The following CEP70 variants were observed in gnomAD, a reference collection of about 807,000 sequenced individuals.
The protein encoded by CEP70 is centrosomal protein of 70 kDa.
CEP70 carries 70 observed loss-of-function variants against 90.9 expected under a neutral mutation model. The observed-to-expected ratio is 0.77, with a 90% CI of 0.64 to 0.94. The LOEUF (loss-of-function observed/expected upper bound fraction) is 0.94, where lower values mean the gene tolerates loss of function less well. CEP70 is among the 40% of genes least tolerant of loss of function. The pLI is 0.00. For missense variants in CEP70, 648 were observed against 669.0 expected, an observed-to-expected ratio of 0.97 and a Z score of 0.35; for synonymous variants, 220 against 228.3, an observed-to-expected ratio of 0.96 and a Z score of 0.33.
chr3:138,533,245 C>T (rs1016830519), intron 7 of CEP70, among the ~76,000 whole-genome samples: 13 of 148,426 alleles, frequency 8.8e-5, no homozygotes, highest in African/African-American at 3.3e-4. Flanking sequence ...CGCACCACTG[C>T]ACTACAGCCT....
At chr3:138,541,397 G>A (rs2038750960) in intron 6 of CEP70, among the ~76,000 whole-genome samples, 1 of 149,276 alleles carries the variant, frequency 6.7e-6, no homozygotes, top group Non-Finnish European at 1.5e-5. Flanking sequence ...ATTCAACGTG[G>A]TGCTGAAAGA....
rs185339326 is a variant in CEP70, at chr3:138,502,744, C to G, written c.1222-1863G>C. Among the ~76,000 whole-genome samples the G allele has an allele frequency of 2.0e-5, 3 of 152,280 alleles. No homozygotes were observed. The East Asian group carries it at 5.8e-4, about 29-fold the overall frequency. On this transcript the variant is annotated intron_variant, in intron 13 of 17. Coordinates refer to ENST00000264982, the MANE Select transcript of CEP70 (RefSeq NM_024491.4). ...AGTGACAGGATGGTTGTAGCACAGT[C>G]CATCAAGTAAGCTCTGAAAAATATA... is the stretch of plus-strand genomic sequence containing the variant.
At chr3:138,497,932 T>C (rs1370182080) in intron 17 of CEP70, 99 bp downstream of exon 17, 4 of 1,538,722 alleles carry the variant, frequency 2.6e-6, no homozygotes, top group Non-Finnish European at 3.5e-6. Flanking sequence ...TTCCAACCAC[T>C]AGGTAAAAAT....
intron 2 of CEP70, among the ~76,000 whole-genome samples, chr3:138,585,830 T>C (rs115254484): frequency 0.01 from 1,532 of 152,306 alleles, 31 homozygotes; most frequent in African/African-American, 0.035. Context: ...GATATCCATA[T>C]GCAGAAGAAT....
intron 11 of CEP70, among the ~76,000 whole-genome samples, chr3:138,524,332 A>G (rs2036987905): frequency 6.6e-6 from 1 of 152,140 alleles, no homozygotes; most frequent in Non-Finnish European, 1.5e-5. Flanking sequence ...CTTCATGTCT[A>G]AAACACCAAA....
intron 6 of CEP70, among the ~76,000 whole-genome samples, chr3:138,556,212 G>A (rs1014019032): frequency 6.6e-6 from 1 of 152,142 alleles, no homozygotes; most frequent in Non-Finnish European, 1.5e-5. Flanking sequence ...TGGGAGCTAA[G>A]CTATGACAAT....
chr3:138,544,687 A>G (rs1369585559), intron 6 of CEP70, among the ~76,000 whole-genome samples: 1 of 152,198 alleles, frequency 6.6e-6, no homozygotes, highest in Non-Finnish European at 1.5e-5. Context: ...CTGGAAAAAG[A>G]AAATGTGGTA....
intron 2 of CEP70, among the ~76,000 whole-genome samples, chr3:138,589,786 G>A (rs1222661557): frequency 6.6e-6 from 1 of 152,192 alleles, no homozygotes; most frequent in African/African-American, 2.4e-5. Context: ...AGAAAAAGGA[G>A]TAATGTATTT....
chr3:138,532,604 G>T, intron 7 of CEP70, 34 bp from the exon 8 acceptor site: 2 of 1,401,826 alleles, frequency 1.4e-6, no homozygotes, highest in South Asian at 1.4e-5. Context: ...TTTTCAAAAT[G>T]CGGTATGGTA....
intron 13 of CEP70, 76 bp from the exon 14 acceptor site, chr3:138,500,957 A>C: frequency 1.2e-5 from 7 of 592,574 alleles, no homozygotes; most frequent in Non-Finnish European, 1.8e-5. Context: ...CATAATTAGT[A>C]AAATTATAAG....
chr3:138,508,191 A>T (rs6439809), intron 12 of CEP70, among the ~76,000 whole-genome samples: 76,166 of 152,048 alleles, frequency 0.5, 19,659 homozygotes, highest in African/African-American at 0.61. Flanking sequence ...GATTATAGAA[A>T]CTTTTAAAAA....
chr3:138,571,082 CATG>C lies in CEP70; in HGVS notation c.233_235del (p.Ser78del), dbSNP rs777079626. The C allele has an allele frequency of 1.0e-5, 16 of 1,606,988 alleles. No homozygotes were observed. The highest frequency in any genetic ancestry group is 2.7e-5 in the African/African-American group (2 of 74,670). ...AAGCTCCTGTATCATGTTCTGTTGA[CATG>C]ATGTTTCTTCCACCAACAATTTCAA... On this transcript the variant is annotated inframe_deletion, in exon 5 of 18. Coordinates refer to ENST00000264982, the MANE Select transcript of CEP70 (RefSeq NM_024491.4).
rs565871342 is a variant in CEP70, at chr3:138,521,657, C to A, written c.944+3833G>T. Reference sequence around the variant, plus strand: ...GAGTGCCTCTGCCCGGCCGCGACCCCGTCTGGGAACTGAGGAGCGCCTCTG... The same window carrying A: ...GAGTGCCTCTGCCCGGCCGCGACCCAGTCTGGGAACTGAGGAGCGCCTCTG... On this transcript the variant is annotated intron_variant, in intron 11 of 17. Transcript: ENST00000264982. 4.7e-3 allele frequency among the ~76,000 whole-genome samples: 694 copies of A among 147,928 alleles called. 4 individuals carry two copies. The highest frequency in any genetic ancestry group is 0.017 in the African/African-American group (669 of 40,010).
chr3:138,501,986 A>G (rs1345837683), intron 13 of CEP70, among the ~76,000 whole-genome samples: 1 of 152,186 alleles, frequency 6.6e-6, no homozygotes, highest in African/African-American at 2.4e-5. Context: ...ACTGTGGATA[A>G]GGGATACTCA....
chr3:138,496,320 T>G, intron 17 of CEP70: 1 of 983,326 alleles, frequency 1.0e-6, no homozygotes, highest in Non-Finnish European at 1.2e-6. Context: ...ATTTAGTTCT[T>G]TTAAGCTCCC....
chr3:138,562,634 C>G (rs1250354298), intron 6 of CEP70, among the ~76,000 whole-genome samples: 1 of 152,104 alleles, frequency 6.6e-6, no homozygotes, highest in Non-Finnish European at 1.5e-5. Flanking sequence ...GAAATAAAAT[C>G]CTTTACAGAC....
At chr3:138,573,226 C>T (rs1432004244) in intron 2 of CEP70, among the ~76,000 whole-genome samples, 2 of 151,916 alleles carry the variant, frequency 1.3e-5, no homozygotes, top group African/African-American at 4.8e-5. Flanking sequence ...GTCTAACCCC[C>T]CACCACAGAA....
chr3:138,555,630 A>G (rs181404012), intron 6 of CEP70, among the ~76,000 whole-genome samples: 2 of 152,364 alleles, frequency 1.3e-5, no homozygotes, highest in African/African-American at 2.4e-5. Flanking sequence ...TCTGAAAAGA[A>G]GATATACAAA....
In CEP70 at chr3:138,570,451, C is replaced by T. The variant is rs766490027; in HGVS notation, c.332G>A (p.Arg111Gln). The T allele has an allele frequency of 2.1e-5, 33 of 1,608,936 alleles. No individual in the cohort carries two copies. Among genetic ancestry groups the T allele is most frequent in the Non-Finnish European group, 2.6e-5 (31 of 1,178,456 alleles). ...CATAATTTGTTCCAAGTCATTAGCT[C>T]GTTGTTCTTGATTGGCTGCTCGGCT... The part of the protein sequence containing the change: ...EQSRAANQEQ[R>Q]ANDLEQIMES... The change falls in exon 6 of 18, where the codon CGA becomes CAA. Residue 111 changes from arginine to glutamine, a missense_variant. Arg to Gln is a conservative substitution (Grantham distance 43). Coordinates refer to ENST00000264982, the MANE Select transcript of CEP70 (RefSeq NM_024491.4).
Sources: gnomAD v4.1 joint callset for allele counts (sites outside exome capture counted in the v4.1 genomes callset) on GRCh38, gnomAD v4.1.1 for gene constraint, MANE v1.5 for transcripts, NCBI Gene and HGNC (gene_info 2026-07-23, HGNC 2026-07-21) for gene names.